Variants in CUX1 observed in about 807,000 individuals in gnomAD.
CUX1 encodes cut like homeobox 1.
Under a neutral mutation model 158.8 loss-of-function variants are expected in CUX1, and 31 were observed. The ratio of observed to expected loss-of-function variants is 0.20; its 90% CI spans 0.15 to 0.26. CUX1 has a LOEUF of 0.26. Among genes scored for constraint, CUX1 ranks in the 10% least tolerant of loss-of-function variants. CUX1 has a pLI of 1.00. For synonymous variants in CUX1, 879 were observed against 862.1 expected (o/e 1.02, Z -0.34); for missense variants, 1,589 against 2,014.6 (o/e 0.79, Z 4.04).
chr7:101,984,121 TATATATATACAC>T (rs1448749028), intron 2 of CUX1, among the ~76,000 whole-genome samples: 22 of 41,644 alleles, frequency 5.3e-4, no homozygotes, highest in African/African-American at 1.7e-3. Context: ...TATATATATA[TATATATATACAC>T]ACACACATAT....
chr7:101,869,024 G>A lies in CUX1; in HGVS notation c.31-47091G>A, dbSNP rs1354022651. ...GGGCCATGCCCTGGGAGACGCTTCCGCAGGAGATGGTGCGGCTGGGGTGGA... is the reference window on the plus strand; with the variant it reads ...GGGCCATGCCCTGGGAGACGCTTCCACAGGAGATGGTGCGGCTGGGGTGGA... On this transcript the variant is annotated intron_variant, in intron 1 of 23. Transcript: ENST00000292535. The surrounding 1 kb of genome is among the most constrained non-coding windows in gnomAD (Gnocchi z 4.5). 6.6e-6 allele frequency among the ~76,000 whole-genome samples: 1 copy of A among 152,172 alleles called. No individual in the cohort carries two copies. The highest frequency in any genetic ancestry group is 6.5e-5 in the Admixed American group (1 of 15,286).
At chr7:102,237,598 A>G (rs1190918391) in intron 22 of CUX1, among the ~76,000 whole-genome samples, 1 of 152,202 alleles carries the variant, frequency 6.6e-6, no homozygotes, top group Non-Finnish European at 1.5e-5. Context: ...TTCAGGATTC[A>G]GTTTAAACAT....
At chr7:102,155,270 G>A (rs377152053) in intron 8 of CUX1, among the ~76,000 whole-genome samples, 5 of 151,908 alleles carry the variant, frequency 3.3e-5, no homozygotes, top group African/African-American at 7.3e-5. Context: ...TGGGACAGGC[G>A]CAGTGGCTCA....
intron 1 of CUX1, among the ~76,000 whole-genome samples, chr7:101,828,929 G>A (rs1212073908): frequency 1.3e-5 from 2 of 151,924 alleles, no homozygotes; most frequent in Non-Finnish European, 2.9e-5. Flanking sequence ...GCAGGGGGAA[G>A]GGGTGTGCCC....
chr7:101,937,782 G>A (rs1807125735), intron 2 of CUX1, among the ~76,000 whole-genome samples: 1 of 152,014 alleles, frequency 6.6e-6, no homozygotes, highest in South Asian at 2.1e-4. Context: ...CAAAGTGCTG[G>A]GATTACAGGC....
rs79114681 is a variant in CUX1 at position 101,952,447 on chromosome 7, C to A, written c.141+36222C>A. ...CAGACCTGCTGAATCAGAAAATACG[C>A]GGGCAGGCCCAGCCGCCTGTGCCTT... On this transcript the variant is annotated intron_variant, in intron 2 of 23. Coordinates refer to ENST00000292535, the MANE Select transcript of CUX1 (RefSeq NM_181552.4). 7.0e-3 allele frequency among the ~76,000 whole-genome samples: 1,062 copies of A among 152,264 alleles called. 15 individuals carry two copies. The highest frequency in any genetic ancestry group is 0.024 in the African/African-American group (1,004 of 41,550).
intron 3 of CUX1, among the ~76,000 whole-genome samples, chr7:102,062,075 A>G (rs1342922959): frequency 6.6e-6 from 1 of 152,190 alleles, no homozygotes; most frequent in Non-Finnish European, 1.5e-5. Flanking sequence ...AGTAGGTCCT[A>G]TAAGGTCCTT....
rs180710078 is a variant in CUX1, at chr7:101,986,345, G to T, written c.142-41753G>T. 1.6e-4 allele frequency among the ~76,000 whole-genome samples: 25 copies of T among 152,308 alleles called. No individual in the cohort carries two copies. The East Asian group carries it at 4.8e-3, about 29-fold the overall frequency. On this transcript the variant is annotated intron_variant, in intron 2 of 23. Coordinates refer to ENST00000292535, the MANE Select transcript of CUX1 (RefSeq NM_181552.4). ...CTGTGACCCAAGAGCTTGTTTTCAAGATATGTATTTATTTAGAATACAAGG... is the reference window on the plus strand; with the variant it reads ...CTGTGACCCAAGAGCTTGTTTTCAATATATGTATTTATTTAGAATACAAGG...
intron 1 of CUX1, among the ~76,000 whole-genome samples, chr7:101,908,393 G>A (rs756413520): frequency 5.9e-5 from 9 of 152,054 alleles, no homozygotes; most frequent in Non-Finnish European, 8.8e-5. Flanking sequence ...TGATTTGCTC[G>A]CCTCGGCCTC....
Position 102,257,540 on chromosome 7 carries a change from T to G in CUX1, c.*8498T>G. The G allele has an allele frequency of 1.0e-6, 1 of 985,368 alleles. No homozygotes were observed. The highest frequency in any genetic ancestry group is 1.2e-6 in the Non-Finnish European group (1 of 829,922). 61.0% of individuals were successfully genotyped at this position (985,368 alleles called of 1,614,324 possible). A position where few individuals can be genotyped will look rare whatever the true frequency, so the allele number is the denominator to read the frequency against. ...TAAAAAGAAGGTGGTTTTCCCCACA[T>G]CCCTTTGCATTGAATAAGAGACCTA... is the stretch of plus-strand genomic sequence containing the variant. On this transcript the variant is annotated 3_prime_UTR_variant, in exon 24 of 24. Transcript: ENST00000292535.
intron 17 of CUX1, among the ~76,000 whole-genome samples, chr7:102,277,142 T>TA (rs781972611): frequency 8.0e-5 from 12 of 150,566 alleles, no homozygotes; most frequent in Non-Finnish European, 1.5e-4. Flanking sequence ...TCTGCAAAAA[T>TA]AAAAAAGTAG....
At chr7:102,229,534 A>T (rs1366101889) in intron 21 of CUX1, among the ~76,000 whole-genome samples, 4 of 147,986 alleles carry the variant, frequency 2.7e-5, no homozygotes, top group African/African-American at 1.0e-4. Flanking sequence ...ATGGTCTCGA[A>T]CTCCTGACCT....
At chr7:101,894,366 T>C (rs1218499865) in intron 1 of CUX1, among the ~76,000 whole-genome samples, 1 of 152,200 alleles carries the variant, frequency 6.6e-6, no homozygotes, top group Non-Finnish European at 1.5e-5. Flanking sequence ...CAGGCTGGAG[T>C]GCAGCGGCAC....
chr7:102,098,195 A>G (rs782614833), intron 5 of CUX1, among the ~76,000 whole-genome samples: 8 of 152,268 alleles, frequency 5.3e-5, no homozygotes, highest in Non-Finnish European at 8.8e-5. Context: ...CTTTTCAGCC[A>G]GCTCCAAAGA....
intron 10 of CUX1, among the ~76,000 whole-genome samples, chr7:102,177,362 C>T (rs1207926689): frequency 1.3e-5 from 2 of 149,568 alleles, no homozygotes; most frequent in South Asian, 2.1e-4. Context: ...TACAGTGAGC[C>T]GAGATCGCGC....
At chr7:101,816,010 T>G, upstream of CUX1, 1 of 1,409,206 alleles carries the variant, frequency 7.1e-7, no homozygotes, top group Middle Eastern at 2.0e-4. Context: ...AGCCGCTCAC[T>G]CCGTCTCAAT....
intron 20 of CUX1, among the ~76,000 whole-genome samples, chr7:102,213,077 C>T (rs536062143): frequency 2.3e-4 from 35 of 152,274 alleles, no homozygotes; most frequent in African/African-American, 7.9e-4. Context: ...CTCCTGACCT[C>T]TGGTGATCCA....
intron 6 of CUX1, 109 bp from the exon 7 acceptor site, chr7:102,111,589 C>A: frequency 9.9e-7 from 1 of 1,012,536 alleles, no homozygotes; most frequent in Non-Finnish European, 1.5e-6. Flanking sequence ...CCGTGGTGCG[C>A]CTGCCGCCAG....
At chr7:102,035,072 T>A (rs1821268085) in intron 3 of CUX1, among the ~76,000 whole-genome samples, 2 of 139,482 alleles carry the variant, frequency 1.4e-5, no homozygotes, top group African/African-American at 2.7e-5. Flanking sequence ...CCAGTGGTGG[T>A]AAAAAAAAAA....
Sources: allele counts gnomAD v4.1 joint callset (sites outside exome capture counted in the v4.1 genomes callset), GRCh38; gene constraint gnomAD v4.1.1; non-coding constraint Gnocchi (gnomAD v3.1); transcripts MANE v1.5; gene names NCBI Gene and HGNC (gene_info 2026-07-23, HGNC 2026-07-21).